The following RLF variants were observed in gnomAD, a reference collection of about 807,000 sequenced individuals.
RLF encodes RLF zinc finger, also known as zinc finger protein Rlf.
Under a neutral mutation model 162.9 loss-of-function variants are expected in RLF, and 7 were observed. That is an observed-to-expected ratio of 0.04 (90% CI 0.02 to 0.08). The LOEUF (loss-of-function observed/expected upper bound fraction) is 0.08. Among genes scored for constraint, RLF ranks in the 10% least tolerant of loss-of-function variants. The pLI is 1.00. For missense variants in RLF, 1,664 were observed against 2,244.7 expected, an observed-to-expected ratio of 0.74 and a Z score of 5.23; for synonymous variants, 782 against 791.5, an observed-to-expected ratio of 0.99 and a Z score of 0.20.
chr1:40,166,572 C>G (rs952732362), intron 1 of RLF, among the ~76,000 whole-genome samples: 5 of 151,924 alleles, frequency 3.3e-5, no homozygotes, highest in African/African-American at 1.2e-4. Flanking sequence ...TATTGCAGCA[C>G]TATTCACAAT....
intron 7 of RLF, among the ~76,000 whole-genome samples, chr1:40,231,892 TTG>T (rs940394289): frequency 2.0e-5 from 3 of 152,190 alleles, no homozygotes; most frequent in Admixed American, 1.3e-4. Flanking sequence ...GTGAATGAAG[TTG>T]TGTCTCCTGT....
intron 7 of RLF, among the ~76,000 whole-genome samples, chr1:40,232,217 A>T (rs575879876): frequency 0.01 from 1,395 of 137,720 alleles, 13 homozygotes; most frequent in Middle Eastern, 0.034. Flanking sequence ...TTTTTTTTTT[A>T]AAAAAAAAAA....
intron 1 of RLF, among the ~76,000 whole-genome samples, chr1:40,186,333 A>C (rs1642480086): frequency 1.3e-5 from 2 of 152,232 alleles, no homozygotes; most frequent in Non-Finnish European, 2.9e-5. Flanking sequence ...CATTCTTCAC[A>C]TACCCAGAGT....
rs1643224934 is a variant in RLF at position 40,236,941 on chromosome 1, A to C, written c.2239A>C (p.Ile747Leu). Residue 747 changes from isoleucine to leucine, a missense_variant, in exon 8 of 8, where the codon ATA becomes CTA. Around this residue, in one of 15 missense-constraint regions of RLF, gnomAD observed 69 missense variants for 206.4 expected, o/e 0.33. Coordinates refer to ENST00000372771, the MANE Select transcript of RLF (RefSeq NM_012421.4). The surrounding 1 kb of genome is among the most constrained non-coding windows in gnomAD (Gnocchi z 7.7). The stretch of plus-strand genomic sequence containing the variant: ...GCCTCAGCCTTATATGTGTGTATCT[A>C]TAGATTGCTATGCTAGGTTTGGATC... Reference protein sequence around the residue: ...CGPQPYMCVSIDCYARFGSVN... With the variant: ...CGPQPYMCVSLDCYARFGSVN... 1 of 1,614,080 alleles carries C rather than the reference A, an allele frequency of 6.2e-7. No individual in the cohort carries two copies. Among genetic ancestry groups the C allele is most frequent in the Non-Finnish European group, 8.5e-7 (1 of 1,180,024 alleles).
At chr1:40,197,828 A>T (rs1204106888) in intron 4 of RLF, among the ~76,000 whole-genome samples, 1 of 152,216 alleles carries the variant, frequency 6.6e-6, no homozygotes, top group Non-Finnish European at 1.5e-5. Context: ...AAAAGATTAA[A>T]AAGCTTTCTT....
At chr1:40,221,776 T>G (rs1642999467) in intron 5 of RLF, among the ~76,000 whole-genome samples, 1 of 151,552 alleles carries the variant, frequency 6.6e-6, no homozygotes, top group Non-Finnish European at 1.5e-5. Context: ...GGTGGGCGCC[T>G]GTAGTCCCAG....
intron 5 of RLF, among the ~76,000 whole-genome samples, chr1:40,206,604 A>G (rs2124545208): frequency 1.3e-5 from 2 of 152,242 alleles, no homozygotes; most frequent in South Asian, 4.2e-4. Context: ...CTCTGCACAC[A>G]ATTATCTAAT....
chr1:40,196,812 T>C (rs754290592), intron 4 of RLF, among the ~76,000 whole-genome samples: 3 of 152,222 alleles, frequency 2.0e-5, no homozygotes, highest in East Asian at 1.9e-4. Flanking sequence ...GAATGAAATA[T>C]CTTATTTGCA....
rs947245983 is a variant in RLF at position 40,231,420 on chromosome 1, T to C, written c.948-97T>C. On this transcript the variant is annotated intron_variant, in intron 6 of 7. Coordinates refer to ENST00000372771, the MANE Select transcript of RLF (RefSeq NM_012421.4). ...TTAATCTAGTTTTTGTTTTCTCTACTGTCAGCTTTCTACAGATCAAAAAAT... is the reference window on the plus strand; with the variant it reads ...TTAATCTAGTTTTTGTTTTCTCTACCGTCAGCTTTCTACAGATCAAAAAAT... 4 of 1,010,450 alleles carry C rather than the reference T, an allele frequency of 4.0e-6. No homozygotes were observed. The African/African-American group carries it at 4.8e-5, about 12-fold the overall frequency. The allele number at this position is 1,010,450 out of a possible 1,614,324, so 62.6% of individuals were successfully genotyped here. A position where few individuals can be genotyped will look rare whatever the true frequency, so the allele number is the denominator to read the frequency against.
chr1:40,185,718 CT>C (rs1642467815), intron 1 of RLF, among the ~76,000 whole-genome samples: 1 of 139,976 alleles, frequency 7.1e-6, no homozygotes, highest in Non-Finnish European at 1.5e-5. Flanking sequence ...GTCCCAGCTA[CT>C]TGGGAGGCTG....
intron 1 of RLF, among the ~76,000 whole-genome samples, chr1:40,186,466 T>C (rs1335743477): frequency 6.6e-6 from 1 of 152,214 alleles, no homozygotes; most frequent in Non-Finnish European, 1.5e-5. Flanking sequence ...CTCAAGAGTA[T>C]TGAATCTTTG....
chr1:40,162,525 T>C (rs1446404926), intron 1 of RLF, among the ~76,000 whole-genome samples: 1 of 152,238 alleles, frequency 6.6e-6, no homozygotes, highest in African/African-American at 2.4e-5. Flanking sequence ...TCCTTATCTG[T>C]TGTACCTTAG....
intron 6 of RLF, among the ~76,000 whole-genome samples, chr1:40,229,332 T>C (rs1175535569): frequency 1.3e-5 from 2 of 152,182 alleles, no homozygotes; most frequent in African/African-American, 4.8e-5. Flanking sequence ...AATTTTCACT[T>C]CTTGTGGTTA....
intron 1 of RLF, among the ~76,000 whole-genome samples, chr1:40,171,607 A>G (rs557521749): frequency 2.0e-5 from 3 of 152,236 alleles, no homozygotes; most frequent in Admixed American, 6.5e-5. Flanking sequence ...TTTGTGACTC[A>G]AAACTAGTGG....
intron 1 of RLF, among the ~76,000 whole-genome samples, chr1:40,168,070 G>A (rs960970043): frequency 6.6e-6 from 1 of 151,686 alleles, no homozygotes; most frequent in Non-Finnish European, 1.5e-5. Context: ...AATTAGCCAG[G>A]TGTGGTAATA....
chr1:40,195,853 T>A, intron 4 of RLF, 89 bp downstream of exon 4: 2 of 1,159,570 alleles, frequency 1.7e-6, no homozygotes, highest in Non-Finnish European at 2.5e-6. Flanking sequence ...TTAACTTGTG[T>A]ATATATCTAG....
chr1:40,221,899 C>CAAAAAAAAAAAAAAAAAAAAAAAAAA (rs895455745), intron 5 of RLF, among the ~76,000 whole-genome samples: 13 of 65,026 alleles, frequency 2.0e-4, no homozygotes, highest in Admixed American at 3.7e-4. Context: ...GACTCCGTCT[C>CAAAAAAAAAAAAAAAAAAAAAAAAAA]AAAAAAAAAA....
chr1:40,170,559 T>C (rs34795058), intron 1 of RLF, among the ~76,000 whole-genome samples: 13,892 of 152,278 alleles, frequency 0.091, 716 homozygotes, highest in South Asian at 0.15. Context: ...CCTTTCATTC[T>C]TTAGGCATGT....
In RLF at chr1:40,239,531, T is replaced by C. The variant is rs200980917; in HGVS notation, c.4829T>C (p.Ile1610Thr). 145 of 1,613,866 alleles carry C rather than the reference T, an allele frequency of 9.0e-5. No individual in the cohort carries two copies. The highest frequency in any genetic ancestry group is 1.2e-4 in the Non-Finnish European group (140 of 1,180,000). ...EEPPSEADPC[I>T]KKEENRSCES... The stretch of plus-strand genomic sequence containing the variant: ...CCCCCTTCTGAAGCAGATCCCTGTA[T>C]AAAGAAAGAAGAAAATAGAAGCTGT... Residue 1610 changes from isoleucine (I) to threonine (T), a missense_variant, in exon 8 of 8, where the codon ATA becomes ACA. Ile to Thr is a moderately conservative substitution (Grantham distance 89, BLOSUM62 -1). Coordinates refer to ENST00000372771, the MANE Select transcript of RLF (RefSeq NM_012421.4).
Sources: allele counts gnomAD v4.1 joint callset (sites outside exome capture counted in the v4.1 genomes callset), GRCh38; gene constraint gnomAD v4.1.1; regional missense constraint gnomAD v4.1.1; non-coding constraint Gnocchi (gnomAD v3.1); transcripts MANE v1.5; gene names NCBI Gene and HGNC (gene_info 2026-07-23, HGNC 2026-07-21).